PDE10A: variants seen among roughly 807,000 people sequenced by gnomAD.
PDE10A encodes cAMP and cAMP-inhibited cGMP 3',5'-cyclic phosphodiesterase 10A.
A neutral mutation model predicts 97.7 loss-of-function variants in PDE10A; 39 were observed. The observed-to-expected ratio is 0.40, with a 90% CI of 0.31 to 0.52. PDE10A has a LOEUF of 0.52. PDE10A is among the 20% of genes least tolerant of loss of function. PDE10A has a pLI of 0.56. For missense variants in PDE10A, 731 were observed against 1,047.8 expected (o/e 0.70, Z 4.17); for synonymous variants, 371 against 376.8 (o/e 0.98, Z 0.18).
chr6:165,898,796 C>G (rs1485468606), intron 1 of PDE10A, among the ~76,000 whole-genome samples: 1 of 152,120 alleles, frequency 6.6e-6, no homozygotes, highest in Non-Finnish European at 1.5e-5. Context: ...CAGGACCTGG[C>G]TGCTGCCTCC....
chr6:165,908,212 C>G (rs1472806013), intron 1 of PDE10A, among the ~76,000 whole-genome samples: 7 of 152,204 alleles, frequency 4.6e-5, no homozygotes, highest in Non-Finnish European at 1.0e-4. Context: ...AGGAGTCGGG[C>G]TCTGTCCCTG....
rs192410227 is a variant in PDE10A at position 165,960,033 on chromosome 6, C to A, written c.-615+27496G>T. ...CTGGGATGAAAGACAGACAACAAACCCAACACATAGAACCAAGGTACAGCC... is the reference window on the plus strand; with the variant it reads ...CTGGGATGAAAGACAGACAACAAACACAACACATAGAACCAAGGTACAGCC... On this transcript the variant is annotated intron_variant, in intron 1 of 19. Transcript: ENST00000366882. Among the ~76,000 whole-genome samples, 108 of 152,128 alleles carry A rather than the reference C, an allele frequency of 7.1e-4. No homozygotes were observed. The East Asian group carries it at 0.014, about 20-fold the overall frequency.
At chr6:165,875,739 T>TG (rs1781321256) in intron 1 of PDE10A, among the ~76,000 whole-genome samples, 4 of 147,058 alleles carry the variant, frequency 2.7e-5, no homozygotes, top group Admixed American at 2.0e-4. Context: ...CTGTTTTTTT[T>TG]TTTTTTTTGT....
At chr6:165,501,755 G>A (rs541336164) in intron 2 of PDE10A, among the ~76,000 whole-genome samples, 1 of 152,300 alleles carries the variant, frequency 6.6e-6, no homozygotes, top group African/African-American at 2.4e-5. Context: ...AGTAAATACA[G>A]GCAATTCAAA....
intron 1 of PDE10A, among the ~76,000 whole-genome samples, chr6:165,916,044 G>A (rs1782595688): frequency 6.6e-6 from 1 of 152,224 alleles, no homozygotes; most frequent in South Asian, 2.1e-4. Flanking sequence ...AAATTTGGAT[G>A]TAAACAACAG....
intron 1 of PDE10A, among the ~76,000 whole-genome samples, chr6:165,619,544 G>A (rs918356258): frequency 7.2e-6 from 1 of 138,254 alleles, no homozygotes; most frequent in Admixed American, 7.0e-5. Flanking sequence ...CTAATGTAGT[G>A]TAGTGTAGTC....
chr6:165,909,298 T>C (rs539699465), intron 1 of PDE10A, among the ~76,000 whole-genome samples: 46 of 152,262 alleles, frequency 3.0e-4, no homozygotes, highest in African/African-American at 1.0e-3. Flanking sequence ...TGAAGTTACC[T>C]TGGGTTTTGA....
upstream of PDE10A, among the ~76,000 whole-genome samples, chr6:165,667,639 T>C (rs1312255527): frequency 6.6e-6 from 1 of 151,328 alleles, no homozygotes; most frequent in African/African-American, 2.4e-5. Context: ...TATGTGTGTT[T>C]CTTTTTTTTT....
intron 1 of PDE10A, among the ~76,000 whole-genome samples, chr6:165,709,718 C>G (rs1002712071): frequency 1.6e-5 from 2 of 123,206 alleles, no homozygotes; most frequent in Admixed American, 1.6e-4. Context: ...ACTGTCCCCC[C>G]ACTCTCTACC....
Position 165,973,292 on chromosome 6 carries a change from G to A in PDE10A, c.-615+14237C>T, listed in dbSNP as rs112593700. Among the ~76,000 whole-genome samples the A allele has an allele frequency of 9.3e-3, 1,413 of 152,122 alleles. 30 individuals carry two copies. The highest frequency in any genetic ancestry group is 0.032 in the African/African-American group (1,333 of 41,492). On this transcript the variant is annotated intron_variant, in intron 1 of 19. Coordinates refer to the PDE10A transcript ENST00000366882. The stretch of plus-strand genomic sequence containing the variant: ...AAATTAGCCAGGCATGGTGGCAGGT[G>A]CCCGTAATCCCAGCTACTTGGGAGG...
chr6:165,547,195 T>G (rs996219319), intron 1 of PDE10A, among the ~76,000 whole-genome samples: 1 of 152,168 alleles, frequency 6.6e-6, no homozygotes, highest in Admixed American at 6.5e-5. Context: ...AACTACAACC[T>G]TTCATCTACA....
chr6:165,857,298 T>A (rs965427438), intron 1 of PDE10A, among the ~76,000 whole-genome samples: 1 of 152,224 alleles, frequency 6.6e-6, no homozygotes, highest in Admixed American at 6.5e-5. Context: ...CCAGGAGGAC[T>A]GGGACTTTCT....
intron 3 of PDE10A, among the ~76,000 whole-genome samples, chr6:165,477,394 G>A (rs1048598343): frequency 1.8e-4 from 27 of 152,100 alleles, no homozygotes; most frequent in African/African-American, 5.6e-4. Context: ...CACTGAGCAC[G>A]GTGCCTGTGT....
In PDE10A at chr6:165,331,640, G is replaced by A. The variant is rs901821937; in HGVS notation, c.*1385C>T. Reference sequence around the variant, plus strand: ...AGTCTCTGTCTAATTCAGGTTTGGAGGTTACCGTGCCATTGCACTAAAAAT... The same window carrying A: ...AGTCTCTGTCTAATTCAGGTTTGGAAGTTACCGTGCCATTGCACTAAAAAT... On this transcript the variant is annotated 3_prime_UTR_variant, in exon 22 of 22. Coordinates refer to ENST00000539869, the MANE Select transcript of PDE10A (RefSeq NM_001385079.1). The A allele has an allele frequency of 1.3e-5, 2 of 152,214 alleles. No individual in the cohort carries two copies. The highest frequency in any genetic ancestry group is 1.9e-4 in the East Asian group (1 of 5,202). The allele number at this position is 152,214 out of a possible 1,614,324, so 9.4% of individuals were successfully genotyped here. A position where few individuals can be genotyped will look rare whatever the true frequency, so the allele number is the denominator to read the frequency against.
chr6:165,902,166 G>A (rs1008801719), intron 1 of PDE10A, among the ~76,000 whole-genome samples: 1 of 152,198 alleles, frequency 6.6e-6, no homozygotes, highest in Non-Finnish European at 1.5e-5. Context: ...TGTCTGACAA[G>A]CTCATGGTCT....
intron 3 of PDE10A, among the ~76,000 whole-genome samples, chr6:165,459,514 TAGATAGATAGAC>T (rs1341071731): frequency 0.051 from 3,267 of 63,980 alleles, 53 homozygotes; most frequent in Middle Eastern, 0.068. Flanking sequence ...GATAGATAGA[TAGATAGATAGAC>T]AGACAGACAG....
intron 1 of PDE10A, among the ~76,000 whole-genome samples, chr6:165,969,373 C>A (rs1039470641): frequency 6.6e-6 from 1 of 151,902 alleles, no homozygotes; most frequent in East Asian, 1.9e-4. Context: ...CTGGGGAGGG[C>A]GTGGCAGCGG....
In PDE10A at chr6:165,573,856, A is replaced by AC. The variant is rs573770862; in HGVS notation, c.866-30289dup. Reference sequence around the variant, plus strand: ...AATTTGGGAAAAGAGCCAAGGTGCTACTTCTCGGCCCTCTGACATCAGGGG... The same window carrying AC: ...AATTTGGGAAAAGAGCCAAGGTGCTACCTTCTCGGCCCTCTGACATCAGGGG... On this transcript the variant is annotated intron_variant, in intron 1 of 21. Transcript: ENST00000539869. Among the ~76,000 whole-genome samples the AC allele has an allele frequency of 1.1e-4, 17 of 152,286 alleles. No homozygotes were observed. The East Asian group carries it at 2.9e-3, about 26-fold the overall frequency.
At chr6:165,683,626 A>G (rs1478515958) in intron 1 of PDE10A, among the ~76,000 whole-genome samples, 1 of 152,168 alleles carries the variant, frequency 6.6e-6, no homozygotes, top group Non-Finnish European at 1.5e-5. Context: ...CATGCCTTCC[A>G]AAGCATATCA....
Sources: allele counts gnomAD v4.1 joint callset (sites outside exome capture counted in the v4.1 genomes callset), GRCh38; gene constraint gnomAD v4.1.1; transcripts MANE v1.5; gene names NCBI Gene and HGNC (gene_info 2026-07-23, HGNC 2026-07-21).